The following MED12L variants were observed in gnomAD, a reference collection of about 807,000 sequenced individuals.
The protein encoded by MED12L is mediator complex subunit 12L.
In MED12L, 60 loss-of-function variants were observed where a neutral mutation model predicts 281.3. That is an observed-to-expected ratio of 0.21 (90% confidence interval 0.17 to 0.26). MED12L has a LOEUF of 0.26. Ranked by LOEUF, MED12L falls within the 10% of genes least tolerant of loss-of-function variation. The pLI, the probability that MED12L is intolerant of heterozygous loss-of-function variation, is 1.00. For missense variants in MED12L, 2,146 were observed against 2,680.9 expected (o/e 0.80, Z 4.41); for synonymous variants, 974 against 987.2 (o/e 0.99, Z 0.25).
chr3:151,236,075 C>G (rs1340536094), intron 16 of MED12L, among the ~76,000 whole-genome samples: 1 of 152,104 alleles, frequency 6.6e-6, no homozygotes, highest in African/African-American at 2.4e-5. Context: ...ACATACAGCC[C>G]TTCTTAAAGG....
intron 6 of MED12L, 59 bp downstream of exon 6, chr3:151,156,389 C>A: frequency 6.8e-7 from 1 of 1,479,012 alleles, no homozygotes; most frequent in Non-Finnish European, 9.1e-7. Flanking sequence ...CAGCAAATTC[C>A]TTATAGTTTG....
intron 16 of MED12L, among the ~76,000 whole-genome samples, chr3:151,305,731 A>G (rs1201897822): frequency 6.6e-6 from 1 of 151,100 alleles, no homozygotes; most frequent in East Asian, 2.0e-4. Flanking sequence ...GTTATTTTAG[A>G]GGACAGGAAG....
intron 16 of MED12L, among the ~76,000 whole-genome samples, chr3:151,226,156 G>A (rs898275919): frequency 6.6e-6 from 1 of 152,214 alleles, no homozygotes; most frequent in African/African-American, 2.4e-5. Context: ...AACACAGTGA[G>A]CACGTATCTA....
intron 5 of MED12L, among the ~76,000 whole-genome samples, chr3:151,135,887 C>T (rs1278545463): frequency 3.9e-5 from 6 of 152,208 alleles, no homozygotes; most frequent in Non-Finnish European, 7.3e-5. Context: ...GATGAGCAGC[C>T]TTAATTCTGC....
intron 2 of MED12L, among the ~76,000 whole-genome samples, chr3:151,113,613 C>T (rs944306248): frequency 6.6e-6 from 1 of 152,170 alleles, no homozygotes; most frequent in African/African-American, 2.4e-5. Context: ...GAGAAGTGGT[C>T]AAATTCTACA....
intron 16 of MED12L, among the ~76,000 whole-genome samples, chr3:151,282,492 A>G (rs902962970): frequency 6.6e-6 from 1 of 152,148 alleles, no homozygotes; most frequent in Non-Finnish European, 1.5e-5. Context: ...GTAAGAATGT[A>G]GAGGATTTTA....
intron 16 of MED12L, among the ~76,000 whole-genome samples, chr3:151,243,665 C>G (rs984931024): frequency 6.6e-6 from 1 of 151,776 alleles, no homozygotes; most frequent in Non-Finnish European, 1.5e-5. Context: ...CAAAATCATG[C>G]CAAAATGTAA....
chr3:151,119,873 A>G (rs930022008), intron 3 of MED12L, among the ~76,000 whole-genome samples: 2 of 152,136 alleles, frequency 1.3e-5, no homozygotes, highest in Non-Finnish European at 2.9e-5. Context: ...TTCTTATCAA[A>G]TGAATTATTT....
At chr3:151,260,375 G>C (rs1738633065) in intron 16 of MED12L, among the ~76,000 whole-genome samples, 1 of 151,916 alleles carries the variant, frequency 6.6e-6, no homozygotes, top group South Asian at 2.1e-4. Context: ...TTTGAGACAG[G>C]GTCTTGCTCT....
chr3:151,179,592 G>A (rs1026817292), intron 11 of MED12L, among the ~76,000 whole-genome samples: 2 of 152,196 alleles, frequency 1.3e-5, no homozygotes, highest in Non-Finnish European at 2.9e-5. Flanking sequence ...AGGAGCAGTA[G>A]GGGTACTGCT....
intron 16 of MED12L, among the ~76,000 whole-genome samples, chr3:151,224,640 C>T (rs1730113549): frequency 6.6e-6 from 1 of 152,214 alleles, no homozygotes; most frequent in South Asian, 2.1e-4. Context: ...ATCTCACTTT[C>T]TTCTTCACCC....
intron 27 of MED12L, among the ~76,000 whole-genome samples, chr3:151,374,196 G>C (rs1756535842): frequency 6.6e-6 from 1 of 151,060 alleles, no homozygotes. Context: ...GGCCGGGCAT[G>C]TTAAATGTGC....
chr3:151,362,233 A>G (rs1268306598), intron 21 of MED12L, among the ~76,000 whole-genome samples: 2 of 151,980 alleles, frequency 1.3e-5, no homozygotes, highest in African/African-American at 4.8e-5. Context: ...AACATCCACT[A>G]AAGTGATCCT....
chr3:151,290,637 T>C (rs1035966664), intron 16 of MED12L, among the ~76,000 whole-genome samples: 1 of 2,976 alleles, frequency 3.4e-4, no homozygotes, highest in Non-Finnish European at 5.1e-4. Context: ...CAGCCTTGTT[T>C]TTTTTTTTTT....
At chr3:151,296,561 A>C (rs1401830689) in intron 16 of MED12L, among the ~76,000 whole-genome samples, 2 of 150,934 alleles carry the variant, frequency 1.3e-5, no homozygotes, top group African/African-American at 4.9e-5. Flanking sequence ...ACTTTCTTCA[A>C]ACTGCACTGT....
At chr3:151,409,984 T>C (rs1299503797) in intron 40 of MED12L, among the ~76,000 whole-genome samples, 2 of 152,090 alleles carry the variant, frequency 1.3e-5, no homozygotes, top group Non-Finnish European at 2.9e-5. Flanking sequence ...AATTGTCATA[T>C]TCAAAGATAG....
chr3:151,335,897 A>G (rs1750919646), intron 16 of MED12L, among the ~76,000 whole-genome samples: 1 of 152,204 alleles, frequency 6.6e-6, no homozygotes, highest in South Asian at 2.1e-4. Flanking sequence ...CTAAAATACC[A>G]TATTACTATT....
chr3:151,226,143 A>G (rs1331685600), intron 16 of MED12L, among the ~76,000 whole-genome samples: 3 of 152,368 alleles, frequency 2.0e-5, no homozygotes, highest in Admixed American at 6.5e-5. Context: ...GAGGAAGCAC[A>G]GGAACACAGT....
chr3:151,086,826 G>A lies in MED12L; in HGVS notation c.-101G>A, dbSNP rs1719284616. The A allele has an allele frequency of 3.4e-6, 3 of 876,074 alleles. No individual in the cohort carries two copies. In the South Asian group the frequency reaches 5.4e-5, roughly 16 times the overall value. 54.3% of individuals were successfully genotyped at this position (876,074 alleles called of 1,614,324 possible). On this transcript the variant is annotated 5_prime_UTR_variant, in exon 2 of 45. Coordinates refer to ENST00000687756, the MANE Select transcript of MED12L (RefSeq NM_001393769.1). ...CACAGCGAGCGAGCGAGCGAGGAGG[G>A]GGAGAGAGGGAGTCTGTCTGCAAAG... is the stretch of plus-strand genomic sequence containing the variant.
Sources: allele counts gnomAD v4.1 joint callset (sites outside exome capture counted in the v4.1 genomes callset), GRCh38; gene constraint gnomAD v4.1.1; transcripts MANE v1.5; gene names NCBI Gene and HGNC (gene_info 2026-07-23, HGNC 2026-07-21).